Variants in ABCC9 observed in about 807,000 individuals in gnomAD.
ABCC9 encodes the protein ATP-binding cassette sub-family C member 9.
ABCC9 carries 95 observed loss-of-function variants against 188.3 expected under a neutral mutation model. The observed-to-expected ratio is 0.50, with a 90% CI of 0.43 to 0.60. The LOEUF (loss-of-function observed/expected upper bound fraction) is 0.60. Ranked by LOEUF, ABCC9 falls within the 20% of genes least tolerant of loss-of-function variation. The pLI, the probability that ABCC9 is intolerant of heterozygous loss-of-function variation, is 0.00. For missense variants in ABCC9, 1,102 were observed against 1,876.3 expected (o/e 0.59, Z 7.62); for synonymous variants, 659 against 652.7 (o/e 1.01, Z -0.15).
At position 21,815,707 on chromosome 12, in the gene ABCC9, G is replaced by C. The variant is rs1205587792; in HGVS notation, c.4023+56C>G. 77 of 1,600,802 alleles carry C rather than the reference G, an allele frequency of 4.8e-5. No homozygotes were observed. The South Asian group carries it at 8.3e-4, about 17-fold the overall frequency. On this transcript the variant is annotated intron_variant, in intron 34 of 39. Transcript: ENST00000261200. ...TATGAAGAGCTTAGGTAGTAAAAAA[G>C]CAGACTCCCTCAGAGGTTTTATGTA...
rs372915798 is a variant in ABCC9 at position 21,875,878 on chromosome 12, A to G, written c.2020-152T>C. On this transcript the variant is annotated intron_variant, in intron 16 of 39. Transcript: ENST00000261200. The stretch of plus-strand genomic sequence containing the variant: ...GGCAGGTGGATCACAAGGTCAGGAG[A>G]TCGAGATCATCCTGGCTAACACGGT... 9.0e-5 allele frequency: 54 copies of G among 601,798 alleles called. No homozygotes were observed. The East Asian group carries it at 1.5e-3, about 17-fold the overall frequency. The allele number at this position is 601,798 out of a possible 1,614,324, so 37.3% of individuals were successfully genotyped here.
At chr12:21,842,549 T>TA (rs1944448204) in intron 28 of ABCC9, 78 bp from the exon 29 acceptor site, 1 of 1,450,226 alleles carries the variant, frequency 6.9e-7, no homozygotes, top group African/African-American at 1.4e-5. Context: ...TACCTATTTT[T>TA]ATGTTGATAG....
chr12:21,853,112 C>T (rs968864370), intron 22 of ABCC9, among the ~76,000 whole-genome samples: 4 of 152,012 alleles, frequency 2.6e-5, no homozygotes, highest in Non-Finnish European at 4.4e-5. Context: ...GTCAGGAGTT[C>T]GAGACCAGCC....
At chr12:21,919,324 C>G (rs1002039816) in intron 5 of ABCC9, among the ~76,000 whole-genome samples, 4 of 151,860 alleles carry the variant, frequency 2.6e-5, no homozygotes, top group African/African-American at 9.7e-5. Flanking sequence ...AAAACCAATA[C>G]TAGGAATGAA....
intron 29 of ABCC9, among the ~76,000 whole-genome samples, chr12:21,841,481 C>G (rs1295377704): frequency 6.6e-6 from 1 of 150,754 alleles, no homozygotes; most frequent in Admixed American, 6.6e-5. Context: ...GCCTCAGCCT[C>G]CTGAGTAGCT....
intron 18 of ABCC9, among the ~76,000 whole-genome samples, chr12:21,869,223 T>C (rs990523732): frequency 2.0e-5 from 3 of 152,184 alleles, no homozygotes; most frequent in Non-Finnish European, 4.4e-5. Context: ...AGGAATTTTA[T>C]AAATACTCAG....
chr12:21,898,924 G>A (rs544549671), intron 12 of ABCC9, among the ~76,000 whole-genome samples: 37 of 152,264 alleles, frequency 2.4e-4, no homozygotes, highest in African/African-American at 7.9e-4. Context: ...TCCTTTACCT[G>A]AAAATGGTAT....
chr12:21,879,891 G>A (rs1946539209), intron 16 of ABCC9, among the ~76,000 whole-genome samples: 1 of 151,912 alleles, frequency 6.6e-6, no homozygotes, highest in Admixed American at 6.6e-5. Context: ...TCTAAAAGGT[G>A]TCAATGTTCG....
At position 21,872,638 on chromosome 12, in the gene ABCC9, C is replaced by A; in HGVS notation, c.2185G>T (p.Val729Phe). The stretch of plus-strand genomic sequence containing the variant: ...AAATATACATACTTGCTCCAGTGAA[C>A]TTTTCCTTCCAATGTCTGCATCTCA... ...LGEMQTLEGK[V>F]HWSNVNESEP... The change falls in exon 18 of 40, where the codon GTT becomes TTT. Residue 729 changes from valine to phenylalanine, a missense_variant. Transcript: ENST00000261200. 1 of 1,613,440 alleles carries A rather than the reference C, an allele frequency of 6.2e-7. No individual in the cohort carries two copies. The highest frequency in any genetic ancestry group is 8.5e-7 in the Non-Finnish European group (1 of 1,179,424).
chr12:21,888,835 A>C (rs950035010), intron 14 of ABCC9, among the ~76,000 whole-genome samples: 2 of 152,152 alleles, frequency 1.3e-5, no homozygotes, highest in South Asian at 4.1e-4. Flanking sequence ...TAGAAATAAA[A>C]TAATATACAA....
At chr12:21,820,940 G>A (rs1403253181) in intron 31 of ABCC9, among the ~76,000 whole-genome samples, 8 of 152,032 alleles carry the variant, frequency 5.3e-5, no homozygotes, top group Non-Finnish European at 1.0e-4. Flanking sequence ...TAGAATCTAC[G>A]TTCCATGAGG....
chr12:21,801,827 A>G (rs1214913966), intron 39 of ABCC9, among the ~76,000 whole-genome samples: 1 of 152,220 alleles, frequency 6.6e-6, no homozygotes, highest in African/African-American at 2.4e-5. Flanking sequence ...CTCCACACAC[A>G]TTCTTGTGAA....
intron 15 of ABCC9, among the ~76,000 whole-genome samples, chr12:21,884,714 T>C (rs1315925273): frequency 6.6e-6 from 1 of 152,118 alleles, no homozygotes; most frequent in Non-Finnish European, 1.5e-5. Context: ...AAAAAGCCAC[T>C]GAAAAGATTA....
intron 8 of ABCC9, among the ~76,000 whole-genome samples, chr12:21,912,006 A>C (rs1019662566): frequency 6.6e-6 from 1 of 152,042 alleles, no homozygotes; most frequent in Non-Finnish European, 1.5e-5. Context: ...CATATCTCTA[A>C]GTAACAGGCT....
At chr12:21,927,442 A>T (rs1949085804) in intron 4 of ABCC9, among the ~76,000 whole-genome samples, 1 of 152,194 alleles carries the variant, frequency 6.6e-6, no homozygotes, top group African/African-American at 2.4e-5. Context: ...CAGATGATAA[A>T]GGTCTGACTT....
At chr12:21,883,652 C>G (rs559275541) in intron 15 of ABCC9, among the ~76,000 whole-genome samples, 7 of 152,262 alleles carry the variant, frequency 4.6e-5, no homozygotes, top group African/African-American at 1.7e-4. Context: ...TAATCTGATA[C>G]ACTCACATAA....
chr12:21,838,276 C>T (rs1302139326), intron 29 of ABCC9, 106 bp from the exon 30 acceptor site: 1 of 918,976 alleles, frequency 1.1e-6, no homozygotes, highest in East Asian at 2.5e-5. Flanking sequence ...TTGTTTTCCT[C>T]ATTGAAATTT....
Position 21,838,263 on chromosome 12 carries a change from T to C in ABCC9, c.3474-93A>G, listed in dbSNP as rs61926066. On this transcript the variant is annotated intron_variant, in intron 29 of 39. Coordinates refer to ENST00000261200, the MANE Select transcript of ABCC9 (RefSeq NM_020297.4). The stretch of plus-strand genomic sequence containing the variant: ...TTAAGAGAAAGTTATTTTGTCACTG[T>C]ATTTGTTTTCCTCATTGAAATTTTT... The C allele has an allele frequency of 0.029, 28,851 of 1,003,260 alleles. 524 individuals carry two copies. Among genetic ancestry groups the C allele is most frequent in the Non-Finnish European group, 0.036 (23,145 of 639,232 alleles). The allele number at this position is 1,003,260 out of a possible 1,614,324, so 62.1% of individuals were successfully genotyped here.
chr12:21,854,519 C>CTGAAATTT (rs1206300224), intron 22 of ABCC9, among the ~76,000 whole-genome samples: 2 of 152,148 alleles, frequency 1.3e-5, no homozygotes, highest in Non-Finnish European at 2.9e-5. Context: ...CTTGATTGTC[C>CTGAAATTT]TGAAATTTCT....
Sources: gnomAD v4.1 joint callset for allele counts (sites outside exome capture counted in the v4.1 genomes callset) on GRCh38, gnomAD v4.1.1 for gene constraint, MANE v1.5 for transcripts, NCBI Gene and HGNC (gene_info 2026-07-23, HGNC 2026-07-21) for gene names.